Variants in RNF214 observed in about 807,000 individuals in gnomAD.
RNF214 encodes the protein ring finger protein 214.
Under a neutral mutation model 75.9 loss-of-function variants are expected in RNF214, and 25 were observed. The ratio of observed to expected loss-of-function variants is 0.33; its 90% CI spans 0.24 to 0.46. The LOEUF is 0.46. Among genes scored for constraint, RNF214 ranks in the 20% least tolerant of loss-of-function variants. RNF214 has a pLI of 1.00. For missense variants in RNF214, 725 were observed against 857.5 expected (o/e 0.85, Z 1.93); for synonymous variants, 314 against 308.8 (o/e 1.02, Z -0.18).
chr11:117,279,296 C>T (rs1176259902), intron 6 of RNF214, among the ~76,000 whole-genome samples: 1 of 130,398 alleles, frequency 7.7e-6, no homozygotes, highest in Non-Finnish European at 1.6e-5. Flanking sequence ...CTGTAGGTAA[C>T]TTTATTTTAG....
Position 117,282,028 on chromosome 11 carries a change from C to T in RNF214, c.1470C>T (p.Asn490=), listed in dbSNP as rs766858537. The T allele has an allele frequency of 1.2e-6, 2 of 1,614,070 alleles. No individual in the cohort carries two copies. Among genetic ancestry groups the T allele is most frequent in the Admixed American group, 1.7e-5 (1 of 60,018 alleles). ...DPRSLSFPIL[N]PALSQPSQPS... The stretch of plus-strand genomic sequence containing the variant: ...GCTCCTTGTCTTTCCCAATCCTGAA[C>T]CCTGCCCTTTCCCAGCCCAGCCAGC... Residue 490 remains asparagine (N), a synonymous_variant, in exon 11 of 15, where the codon AAC becomes AAT. Coordinates refer to ENST00000300650, the MANE Select transcript of RNF214 (RefSeq NM_207343.4).
At chr11:117,250,535 A>G (rs1164262299) in intron 6 of RNF214, among the ~76,000 whole-genome samples, 1 of 151,954 alleles carries the variant, frequency 6.6e-6, no homozygotes, top group Admixed American at 6.6e-5. Context: ...AATGTGGCAA[A>G]AAAAATGCAA....
chr11:117,273,406 AAGTTTTTTATACT>A (rs1250458030), intron 6 of RNF214, among the ~76,000 whole-genome samples: 4 of 151,986 alleles, frequency 2.6e-5, no homozygotes, highest in Admixed American at 2.6e-4. Context: ...GCAAGCTGTG[AAGTTTTTTATACT>A]AGTACATTAA....
chr11:117,251,536 C>G (rs11216334), intron 6 of RNF214, among the ~76,000 whole-genome samples: 2,071 of 75,310 alleles, frequency 0.027, 94 homozygotes, highest in South Asian at 0.045. Flanking sequence ...GCTGACCCCC[C>G]CACCTCCCTC....
intron 5 of RNF214, among the ~76,000 whole-genome samples, chr11:117,245,593 C>T (rs922810193): frequency 2.6e-5 from 4 of 152,134 alleles, no homozygotes; most frequent in Middle Eastern, 3.4e-3. Flanking sequence ...CCACCTGCCT[C>T]GGCCCCCCAA....
rs779852129 is a variant in RNF214, at chr11:117,244,598, T to C, written c.819+13T>C. On this transcript the variant is annotated intron_variant, in intron 5 of 14. Coordinates refer to ENST00000300650, the MANE Select transcript of RNF214 (RefSeq NM_207343.4). ...GAAGAATCACCAGGTATTTTGCTTATATTGAAATTGTCAATGAGTTAAGCA... is the reference window on the plus strand; with the variant it reads ...GAAGAATCACCAGGTATTTTGCTTACATTGAAATTGTCAATGAGTTAAGCA... 4.4e-6 allele frequency: 7 copies of C among 1,586,812 alleles called. No homozygotes were observed. The South Asian group carries it at 4.6e-5, about 10-fold the overall frequency.
chr11:117,282,530 T>TA lies in RNF214; in HGVS notation c.1840dup (p.Thr614AsnfsTer43). On this transcript the variant is annotated frameshift_variant, in exon 12 of 15. Coordinates refer to ENST00000300650, the MANE Select transcript of RNF214 (RefSeq NM_207343.4). LOFTEE classifies it high-confidence loss of function. ...CAGAACATGAGCGGGTGGCAGCAAG[T>TA]ACTCAGGTGAGAAAAGCCACTTGGG... 6.2e-7 allele frequency: 1 copy of TA among 1,613,888 alleles called. No individual in the cohort carries two copies. Among genetic ancestry groups the TA allele is most frequent in the Non-Finnish European group, 8.5e-7 (1 of 1,179,940 alleles).
At position 117,244,596 on chromosome 11, in the gene RNF214, T is replaced by A. The variant is rs781149858; in HGVS notation, c.819+11T>A. 6.3e-7 allele frequency: 1 copy of A among 1,587,488 alleles called. No homozygotes were observed. The highest frequency in any genetic ancestry group is 8.6e-7 in the Non-Finnish European group (1 of 1,169,300). ...ATGAAGAATCACCAGGTATTTTGCTTATATTGAAATTGTCAATGAGTTAAG... is the reference window on the plus strand; with the variant it reads ...ATGAAGAATCACCAGGTATTTTGCTAATATTGAAATTGTCAATGAGTTAAG... On this transcript the variant is annotated intron_variant, in intron 5 of 14. Transcript: ENST00000300650.
chr11:117,271,448 A>G (rs1057396996), intron 6 of RNF214, among the ~76,000 whole-genome samples: 4 of 152,194 alleles, frequency 2.6e-5, no homozygotes, highest in Non-Finnish European at 1.5e-5. Flanking sequence ...TTTCATGTGT[A>G]TTCCTTTCTC....
intron 6 of RNF214, among the ~76,000 whole-genome samples, chr11:117,248,457 A>G (rs2033287266): frequency 6.6e-6 from 1 of 152,256 alleles, no homozygotes; most frequent in Non-Finnish European, 1.5e-5. Flanking sequence ...AAATTCTACC[A>G]AAATGTTTTT....
rs777508145 is a variant in RNF214, at chr11:117,239,080, C to T, written c.587C>T (p.Ser196Phe). Residue 196 changes from serine (S) to phenylalanine (F), a missense_variant, in exon 3 of 15, where the codon TCC becomes TTC. By Grantham distance (155) the Ser-to-Phe change is radical (BLOSUM62 -2). Coordinates refer to ENST00000300650, the MANE Select transcript of RNF214 (RefSeq NM_207343.4). ...VDQDDDQDSS[S>F]LKLSQNIAVQ... is the part of the protein sequence containing the mutation. Reference sequence around the variant, plus strand: ...CAGGATGATGATCAAGATAGCTCTTCCCTGAAGCTTTCTCAGAACATTGCT... The same window carrying T: ...CAGGATGATGATCAAGATAGCTCTTTCCTGAAGCTTTCTCAGAACATTGCT... 23 of 1,613,180 alleles carry T rather than the reference C, an allele frequency of 1.4e-5. No homozygotes were observed. In the Admixed American group the frequency reaches 1.7e-4, roughly 12 times the overall value.
chr11:117,235,228 C>A lies in RNF214; in HGVS notation c.107+849C>A, dbSNP rs550273017. Among the ~76,000 whole-genome samples, 9 of 152,242 alleles carry A rather than the reference C, an allele frequency of 5.9e-5. No homozygotes were observed. In the South Asian group the frequency reaches 1.0e-3, roughly 18 times the overall value. The stretch of plus-strand genomic sequence containing the variant: ...TTTCTTTTTTTGAGATGGAGTCTCA[C>A]TCTGTTGGCCCAGGCTGGAGTGCAG... On this transcript the variant is annotated intron_variant, in intron 2 of 14. Transcript: ENST00000300650.
chr11:117,238,904 AGGGTG>A lies in RNF214; in HGVS notation c.412_416del (p.Gly138ProfsTer3). On this transcript the variant is annotated frameshift_variant, in exon 3 of 15. Coordinates refer to ENST00000300650, the MANE Select transcript of RNF214 (RefSeq NM_207343.4). LOFTEE classifies it high-confidence loss of function. ...ATCCAGTCACTCGGTCTCTTAAGGC[AGGGTG>A]CCATACTAAGCAGCTTGCCTCCAGG... 2 of 1,614,220 alleles carry A rather than the reference AGGGTG, an allele frequency of 1.2e-6. No individual in the cohort carries two copies. Among genetic ancestry groups the A allele is most frequent in the Non-Finnish European group, 1.7e-6 (2 of 1,180,040 alleles).
chr11:117,234,377 A>G lies in RNF214; in HGVS notation c.105A>G (p.Leu35=), dbSNP rs751230991. ...CAGACGAAGGTCTCCCAGATGGTCT[A>G]AGGTAATGTGTGGACTCCTGACTGG... ...SKSDEGLPDG[L]STKDSAQKQK... Residue 35 remains leucine, a splice_region_variant and synonymous_variant, in exon 2 of 15, where the codon CTA becomes CTG. Transcript: ENST00000300650. 1.4e-5 allele frequency: 23 copies of G among 1,606,184 alleles called. No individual in the cohort carries two copies. The Admixed American group carries it at 1.5e-4, about 10-fold the overall frequency.
At chr11:117,278,580 AG>A (rs1379983271) in intron 6 of RNF214, among the ~76,000 whole-genome samples, 13 of 152,192 alleles carry the variant, frequency 8.5e-5, no homozygotes, top group African/African-American at 3.1e-4. Flanking sequence ...GAAATCCCTC[AG>A]TACTGGGCAA....
intron 6 of RNF214, among the ~76,000 whole-genome samples, chr11:117,271,893 G>A (rs1208339454): frequency 1.3e-5 from 2 of 152,112 alleles, no homozygotes; most frequent in Admixed American, 6.5e-5. Flanking sequence ...GCTCACTGTA[G>A]CCTCTACCTC....
At chr11:117,269,620 C>G (rs1403577967) in intron 6 of RNF214, among the ~76,000 whole-genome samples, 1 of 152,204 alleles carries the variant, frequency 6.6e-6, no homozygotes, top group Non-Finnish European at 1.5e-5. Flanking sequence ...GTCTCGGCCT[C>G]CCAAAGTACT....
At chr11:117,244,864 G>A (rs868505719) in intron 5 of RNF214, among the ~76,000 whole-genome samples, 23 of 151,456 alleles carry the variant, frequency 1.5e-4, no homozygotes, top group African/African-American at 5.3e-4. Context: ...ACGGGGTTTT[G>A]TCATGTTGCC....
chr11:117,274,364 T>TC (rs2033969700), intron 6 of RNF214, among the ~76,000 whole-genome samples: 1 of 140,912 alleles, frequency 7.1e-6, no homozygotes. Context: ...TTCTTTTTTT[T>TC]TTTTTTTTTT....
Sources: gnomAD v4.1 joint callset for allele counts (sites outside exome capture counted in the v4.1 genomes callset) on GRCh38, gnomAD v4.1.1 for gene constraint, MANE v1.5 for transcripts, NCBI Gene and HGNC (gene_info 2026-07-23, HGNC 2026-07-21) for gene names.